Variants in LTBR observed in about 807,000 individuals in gnomAD.
LTBR encodes the protein tumor necrosis factor receptor superfamily member 3.
A neutral mutation model predicts 45.4 loss-of-function variants in LTBR; 15 were observed. The ratio of observed to expected loss-of-function variants is 0.33; its 90% CI spans 0.22 to 0.51. LTBR has a LOEUF of 0.51. LTBR is among the 20% of genes least tolerant of loss of function. The probability of loss-of-function intolerance (pLI) is 0.97; values close to 1 mark genes in which losing one functional copy is unlikely to be tolerated. For missense variants in LTBR, 450 were observed against 565.5 expected (o/e 0.80, Z 2.07); for synonymous variants, 228 against 231.0 (o/e 0.99, Z 0.12).
In LTBR at chr12:6,386,208, C is replaced by T. The variant is rs1469248652; in HGVS notation, c.569+46C>T. The T allele has an allele frequency of 1.3e-6, 2 of 1,541,728 alleles. No homozygotes were observed. The highest frequency in any genetic ancestry group is 1.8e-4 in the Middle Eastern group (1 of 5,574). ...GCTCCTTCCACCCTCTGAGAAGCCT[C>T]AGCTGCTAACAACCCCCAGCGCCTA... is the stretch of plus-strand genomic sequence containing the variant. On this transcript the variant is annotated intron_variant, in intron 5 of 9. Transcript: ENST00000228918. This position sits in a 1 kb window ranked among gnomAD's most constrained non-coding sequence, Gnocchi z 4.1.
At chr12:6,382,456 T>C (rs1948993686), upstream of LTBR, among the ~76,000 whole-genome samples, 2 of 152,194 alleles carry the variant, frequency 1.3e-5, no homozygotes, top group Non-Finnish European at 2.9e-5. Flanking sequence ...AAAAAGGACC[T>C]AGGGTCGCTA....
intron 3 of LTBR, 32 bp from the exon 4 acceptor site, chr12:6,385,195 C>T (rs1161155728): frequency 1.6e-5 from 26 of 1,614,000 alleles, no homozygotes; most frequent in Non-Finnish European, 2.1e-5. Flanking sequence ...TGGAGCTTGG[C>T]CCCTCCCTGA....
upstream of LTBR, chr12:6,384,137 C>T: frequency 7.8e-7 from 1 of 1,274,418 alleles, no homozygotes; most frequent in Non-Finnish European, 9.9e-7. Flanking sequence ...CGCTCCCTGT[C>T]CCCGCCCCGC....
chr12:6,387,600 A>G, intron 6 of LTBR: 1 of 201,204 alleles, frequency 5.0e-6, no homozygotes, highest in Non-Finnish European at 1.1e-5. Context: ...CTACAGATTT[A>G]CATGAATGAG....
At chr12:6,389,837 C>G in intron 8 of LTBR, 1 of 383,530 alleles carries the variant, frequency 2.6e-6, no homozygotes. Flanking sequence ...GCCAGACAGT[C>G]CCAGCTACTC....
intron 6 of LTBR, chr12:6,387,675 G>C (rs188447648): frequency 4.6e-4 from 120 of 261,720 alleles, no homozygotes; most frequent in African/African-American, 2.5e-3. Flanking sequence ...CGTAGCTGAC[G>C]GACACTGGAG....
chr12:6,384,046 C>T, upstream of LTBR: 1 of 1,200,108 alleles, frequency 8.3e-7, no homozygotes, highest in Non-Finnish European at 1.0e-6. Flanking sequence ...TTCCCGGCCG[C>T]CCCTCCCGCC....
In LTBR at chr12:6,386,386, T is replaced by G; in HGVS notation, c.609T>G (p.Thr203=). ...GTCTGGTGGAGGCAGCTCCAGGCAC[T>G]GCCCAGTCCGACACAACCTGCAAAA... ...NQGLVEAAPG[T]AQSDTTCKNP... Residue 203 remains threonine (T), a synonymous_variant, in exon 6 of 10, where the codon ACT becomes ACG. Transcript: ENST00000228918. This position sits in a 1 kb window ranked among gnomAD's most constrained non-coding sequence, Gnocchi z 4.1. 6.2e-7 allele frequency: 1 copy of G among 1,612,976 alleles called. No individual in the cohort carries two copies. The highest frequency in any genetic ancestry group is 8.5e-7 in the Non-Finnish European group (1 of 1,179,584).
In LTBR at chr12:6,391,066, T is replaced by G; in HGVS notation, c.*129T>G. 2.1e-6 allele frequency: 2 copies of G among 973,718 alleles called. No homozygotes were observed. Among genetic ancestry groups the G allele is most frequent in the Non-Finnish European group, 2.9e-6 (2 of 693,804 alleles). 60.3% of individuals were successfully genotyped at this position (973,718 alleles called of 1,614,324 possible). Reference sequence around the variant, plus strand: ...AAGCAGAGCCCTAAGGGATTAAGGCTCAGACACCTCTGAGAGCAGGTGGGC... The same window carrying G: ...AAGCAGAGCCCTAAGGGATTAAGGCGCAGACACCTCTGAGAGCAGGTGGGC... On this transcript the variant is annotated 3_prime_UTR_variant, in exon 10 of 10. Coordinates refer to ENST00000228918, the MANE Select transcript of LTBR (RefSeq NM_002342.3).
In LTBR at chr12:6,390,809, C is replaced by T. The variant is rs1949104765; in HGVS notation, c.1180C>T (p.Pro394Ser). The stretch of plus-strand genomic sequence containing the variant: ...ATACCCCATTCCCGAAGAGGGGGAC[C>T]CTGGCCCTCCCGGGCTCTCTACACC... Reference protein sequence around the residue: ...PPYPIPEEGDPGPPGLSTPHQ... With the variant: ...PPYPIPEEGDSGPPGLSTPHQ... Residue 394 changes from proline (P) to serine (S), a missense_variant, in exon 10 of 10, where the codon CCT (proline) becomes TCT (serine). Physicochemically the swap from Pro to Ser is moderately conservative, Grantham distance 74. This residue lies in a region of LTBR where 71 missense variants were observed against 90.4 expected (regional missense o/e 0.79). Transcript: ENST00000228918. 1.9e-6 allele frequency: 3 copies of T among 1,611,292 alleles called. No individual in the cohort carries two copies. The highest frequency in any genetic ancestry group is 1.7e-5 in the Admixed American group (1 of 59,914).
intron 4 of LTBR, chr12:6,385,801 A>T (rs1466008896): frequency 1.1e-5 from 4 of 365,490 alleles, no homozygotes; most frequent in Non-Finnish European, 1.5e-5. Context: ...GCTACTCGGG[A>T]GGCTGAGGCA....
upstream of LTBR, chr12:6,383,925 G>C: frequency 1.3e-6 from 1 of 756,106 alleles, no homozygotes. Flanking sequence ...GGCTGACCCC[G>C]GGCCCGCCGC....
Position 6,386,042 on chromosome 12 carries a change from G to C in LTBR, c.473-24G>C, listed in dbSNP as rs767335607. 2.5e-6 allele frequency: 4 copies of C among 1,577,008 alleles called. No homozygotes were observed. The Admixed American group carries it at 5.0e-5, about 20-fold the overall frequency. On this transcript the variant is annotated intron_variant, in intron 4 of 9. Coordinates refer to ENST00000228918, the MANE Select transcript of LTBR (RefSeq NM_002342.3). The surrounding 1 kb of genome is among the most constrained non-coding windows in gnomAD (Gnocchi z 4.1). ...CCCTCCCTTTTGCCCATTCACCCTG[G>C]CTGGCCTGCCTTTCTCTTGCCAGAT...
upstream of LTBR, among the ~76,000 whole-genome samples, chr12:6,382,614 C>T (rs757028397): frequency 1.3e-5 from 2 of 152,208 alleles, no homozygotes; most frequent in Non-Finnish European, 2.9e-5. Flanking sequence ...CCCATCTGTA[C>T]GGTGAGCTGC....
At position 6,388,819 on chromosome 12, in the gene LTBR, TCCG is replaced by T; in HGVS notation, c.797_799del (p.Pro266del). The T allele has an allele frequency of 6.2e-7, 1 of 1,613,988 alleles. No homozygotes were observed. Among genetic ancestry groups the T allele is most frequent in the Non-Finnish European group, 8.5e-7 (1 of 1,179,976 alleles). The stretch of plus-strand genomic sequence containing the variant: ...TTGCAGGATCGCTGCTCAAGAGGCG[TCCG>T]CAGGTAATGGCGGGGGCTGAGAAGG... On this transcript the variant is annotated inframe_deletion, in exon 8 of 10. Coordinates refer to ENST00000228918, the MANE Select transcript of LTBR (RefSeq NM_002342.3). The surrounding 1 kb of genome is among the most constrained non-coding windows in gnomAD (Gnocchi z 4.3).
chr12:6,384,933 C>T (rs1949021537), intron 2 of LTBR, 89 bp from the exon 3 acceptor site: 2 of 1,544,178 alleles, frequency 1.3e-6, no homozygotes, highest in Non-Finnish European at 8.9e-7. Flanking sequence ...CCAGAGAGAC[C>T]GAGGGAAAGG....
chr12:6,388,310 G>T lies in LTBR; in HGVS notation c.668-88G>T. 1 of 945,194 alleles carries T rather than the reference G, an allele frequency of 1.1e-6. No homozygotes were observed. Among genetic ancestry groups the T allele is most frequent in the Non-Finnish European group, 1.7e-6 (1 of 585,242 alleles). 58.6% of individuals were successfully genotyped at this position (945,194 alleles called of 1,614,324 possible). On this transcript the variant is annotated intron_variant, in intron 6 of 9. Coordinates refer to ENST00000228918, the MANE Select transcript of LTBR (RefSeq NM_002342.3). The surrounding 1 kb of genome is among the most constrained non-coding windows in gnomAD (Gnocchi z 4.3). ...CTGCTCCCTTTTCTCTGTCTGGGTT[G>T]CCCAGGGATCTGGAAAGCTCTTCCT... is the stretch of plus-strand genomic sequence containing the variant.
Position 6,390,911 on chromosome 12 carries a change from A to G in LTBR, c.1282A>G (p.Arg428Gly). The G allele has an allele frequency of 6.3e-7, 1 of 1,581,704 alleles. No homozygotes were observed. Among genetic ancestry groups the G allele is most frequent in the Non-Finnish European group, 8.6e-7 (1 of 1,166,170 alleles). The change falls in exon 10 of 10, where the codon AGG (arginine) becomes GGG (glycine). Residue 428 changes from arginine to glycine, a missense_variant. Around this residue, in one of 3 missense-constraint regions of LTBR, gnomAD observed 71 missense variants for 90.4 expected, o/e 0.79. Coordinates refer to ENST00000228918, the MANE Select transcript of LTBR (RefSeq NM_002342.3). ...CGATPSNRGP[R>G]NQFITHD ...TGCCACACCCTCTAACAGGGGCCCA[A>G]GGAACCAATTTATCACCCATGACTG...
chr12:6,381,017 A>G (rs756483724), upstream of LTBR, among the ~76,000 whole-genome samples: 18 of 152,180 alleles, frequency 1.2e-4, no homozygotes, highest in South Asian at 4.1e-4. Flanking sequence ...GCTGGGCATT[A>G]TAGTAGCCAT....
Sources: gnomAD v4.1 joint callset for allele counts (sites outside exome capture counted in the v4.1 genomes callset) on GRCh38, gnomAD v4.1.1 for gene constraint, gnomAD v4.1.1 regional missense constraint, Gnocchi (gnomAD v3.1) non-coding constraint, MANE v1.5 for transcripts, NCBI Gene and HGNC (gene_info 2026-07-23, HGNC 2026-07-21) for gene names.